Variants in MYLK4 observed in about 807,000 individuals in gnomAD.
The protein encoded by MYLK4 is myosin light chain kinase family member 4.
A neutral mutation model predicts 48.1 loss-of-function variants in MYLK4; 46 were observed. The ratio of observed to expected loss-of-function variants is 0.96; its 90% CI spans 0.75 to 1.22. The LOEUF is 1.22. Ranked by LOEUF, MYLK4 falls within the 50% of genes most tolerant of loss-of-function variation. The pLI is 0.00. For synonymous variants in MYLK4, 170 were observed against 180.8 expected (o/e 0.94, Z 0.48); for missense variants, 451 against 486.1 (o/e 0.93, Z 0.68).
chr6:2,769,797 G>A, the MYLK4 span, among the ~76,000 whole-genome samples: 1 of 152,196 alleles, frequency 6.6e-6, no homozygotes, highest in Non-Finnish European at 1.5e-5. Context: ...CTATGTGCCA[G>A]TTCAGCCTTT....
chr6:2,679,587 A>G (rs1761217924), intron 8 of MYLK4, 179 bp from the exon 9 acceptor site: 1 of 784,782 alleles, frequency 1.3e-6, no homozygotes, highest in Admixed American at 2.6e-5. Flanking sequence ...GAGGCCCCAG[A>G]AAATTTAAAA....
intron 2 of MYLK4, among the ~76,000 whole-genome samples, chr6:2,699,981 A>G (rs1380176989): frequency 6.6e-6 from 1 of 152,196 alleles, no homozygotes. Context: ...GAACAAATTA[A>G]GAATCTTCAC....
the MYLK4 span, among the ~76,000 whole-genome samples, chr6:2,762,438 A>G: frequency 6.6e-6 from 1 of 152,236 alleles, no homozygotes; most frequent in Non-Finnish European, 1.5e-5. Flanking sequence ...GCCTTATATT[A>G]AGAGATTCAA....
In MYLK4 at chr6:2,677,074, C is replaced by T. The variant is rs77838371; in HGVS notation, c.1040+1146G>A. Among the ~76,000 whole-genome samples, 102 of 152,242 alleles carry T rather than the reference C, an allele frequency of 6.7e-4. 3 individuals are homozygous for T. The East Asian group carries it at 0.015, about 22-fold the overall frequency. On this transcript the variant is annotated intron_variant, in intron 10 of 12. Coordinates refer to ENST00000274643, the MANE Select transcript of MYLK4 (RefSeq NM_001012418.5). ...TTAATCCATTATTTGTGAATTGTCC[C>T]TCCTGTCGGACTGATACCCCTAGCC...
upstream of MYLK4, chr6:2,751,092 G>T (rs1435385234): frequency 1.3e-5 from 2 of 152,604 alleles, no homozygotes; most frequent in African/African-American, 4.8e-5. Flanking sequence ...CGGGAACACT[G>T]GATGAAATAT....
intron 7 of MYLK4, among the ~76,000 whole-genome samples, chr6:2,682,470 A>C (rs1582036720): frequency 6.6e-6 from 1 of 151,858 alleles, no homozygotes; most frequent in African/African-American, 2.4e-5. Flanking sequence ...TGGGGTGCCC[A>C]CCCCACCCTC....
At chr6:2,726,009 G>T (rs1196099838) in intron 2 of MYLK4, among the ~76,000 whole-genome samples, 1 of 152,142 alleles carries the variant, frequency 6.6e-6, no homozygotes, top group African/African-American at 2.4e-5. Context: ...AGATAACCCT[G>T]GTCTCTTATC....
chr6:2,747,755 G>A (rs993778409), intron 2 of MYLK4, among the ~76,000 whole-genome samples: 4 of 152,284 alleles, frequency 2.6e-5, no homozygotes, highest in Admixed American at 2.0e-4. Flanking sequence ...AACTATTACA[G>A]TTAGTTGATG....
At chr6:2,765,039 AG>A in the MYLK4 span, among the ~76,000 whole-genome samples, 8 of 152,218 alleles carry the variant, frequency 5.3e-5, no homozygotes, top group East Asian at 1.2e-3. Flanking sequence ...CCAGCACGGA[AG>A]GCCGGGAAAG....
chr6:2,687,563 T>A (rs954947117), intron 4 of MYLK4, among the ~76,000 whole-genome samples: 8 of 152,194 alleles, frequency 5.3e-5, no homozygotes, highest in Admixed American at 2.0e-4. Flanking sequence ...GGCTTGCCAC[T>A]GATGTCCCTG....
chr6:2,768,731 A>ATAG, the MYLK4 span: 1 of 1,613,118 alleles, frequency 6.2e-7, no homozygotes, highest in Non-Finnish European at 8.5e-7. Flanking sequence ...AGCAAGAAAC[A>ATAG]TAGCATAAGG....
the MYLK4 span, among the ~76,000 whole-genome samples, chr6:2,756,437 C>A: frequency 6.6e-6 from 1 of 152,180 alleles, no homozygotes; most frequent in Non-Finnish European, 1.5e-5. Flanking sequence ...CTGAATTCTG[C>A]CATTTCTTCA....
At chr6:2,694,564 T>TG (rs1761975924) in intron 2 of MYLK4, among the ~76,000 whole-genome samples, 1 of 126,434 alleles carries the variant, frequency 7.9e-6, no homozygotes, top group Non-Finnish European at 1.7e-5. Context: ...GTCGTGGTGG[T>TG]AGTGGTAGTG....
In MYLK4 at chr6:2,706,238, A is replaced by C. The variant is rs1210020999; in HGVS notation, c.160-13379T>G. On this transcript the variant is annotated intron_variant, in intron 2 of 12. Transcript: ENST00000274643. ...TGTTTTCTGTGATGTTTAGAAGAGT[A>C]GGCAACTATAGATTAATTTGTGTTA... 2.0e-5 allele frequency among the ~76,000 whole-genome samples: 3 copies of C among 152,206 alleles called. No individual in the cohort carries two copies. The East Asian group carries it at 5.8e-4, about 29-fold the overall frequency.
the MYLK4 span, among the ~76,000 whole-genome samples, chr6:2,762,989 C>T: frequency 7.2e-5 from 11 of 152,260 alleles, no homozygotes; most frequent in South Asian, 6.2e-4. Flanking sequence ...ACAAAACACC[C>T]ACACAAGCAA....
At position 2,685,868 on chromosome 6, in the gene MYLK4, C is replaced by T. The variant is rs1314030188; in HGVS notation, c.342-292G>A. On this transcript the variant is annotated intron_variant, in intron 4 of 12. Coordinates refer to ENST00000274643, the MANE Select transcript of MYLK4 (RefSeq NM_001012418.5). This position sits in a 1 kb window ranked among gnomAD's most constrained non-coding sequence, Gnocchi z 4.5. ...GGAGGATCACGAGGTCAGGACCAGT[C>T]TGGCCAACATAGTGAAACCCCATCT... Among the ~76,000 whole-genome samples, 2 of 152,076 alleles carry T rather than the reference C, an allele frequency of 1.3e-5. No homozygotes were observed. Among genetic ancestry groups the T allele is most frequent in the Non-Finnish European group, 2.9e-5 (2 of 68,006 alleles).
the MYLK4 span, among the ~76,000 whole-genome samples, chr6:2,764,990 G>A: frequency 2.8e-4 from 42 of 152,234 alleles, no homozygotes; most frequent in South Asian, 8.3e-3. Flanking sequence ...GACCCGCTGC[G>A]GCCGCCTCCT....
chr6:2,741,732 C>G (rs1220611953), intron 2 of MYLK4, among the ~76,000 whole-genome samples: 1 of 90,724 alleles, frequency 1.1e-5, no homozygotes, highest in Non-Finnish European at 2.4e-5. Flanking sequence ...GTTGTACACT[C>G]TAATTTAGGA....
the MYLK4 span, among the ~76,000 whole-genome samples, chr6:2,767,121 A>G: frequency 6.6e-6 from 1 of 152,202 alleles, no homozygotes; most frequent in Non-Finnish European, 1.5e-5. Flanking sequence ...ACATCCGTGC[A>G]TTTTGGTGTC....
Sources: gnomAD v4.1 joint callset for allele counts (sites outside exome capture counted in the v4.1 genomes callset) on GRCh38, gnomAD v4.1.1 for gene constraint, Gnocchi (gnomAD v3.1) non-coding constraint, MANE v1.5 for transcripts, NCBI Gene and HGNC (gene_info 2026-07-23, HGNC 2026-07-21) for gene names.